Variants in RBFOX3 observed in about 807,000 individuals in gnomAD.
RBFOX3 encodes RNA binding fox-1 homolog 3.
Under a neutral mutation model 48.7 loss-of-function variants are expected in RBFOX3, and 17 were observed. The observed-to-expected ratio is 0.35, with a 90% CI of 0.24 to 0.52. RBFOX3 has a LOEUF of 0.52. Among genes scored for constraint, RBFOX3 ranks in the 20% least tolerant of loss-of-function variants. The pLI, the probability that RBFOX3 is intolerant of heterozygous loss-of-function variation, is 0.94. For synonymous variants in RBFOX3, 212 were observed against 209.5 expected, an observed-to-expected ratio of 1.01 and a Z score of -0.10; for missense variants, 382 against 497.5, an observed-to-expected ratio of 0.77 and a Z score of 2.21.
chr17:79,575,623 G>C (rs1428324488), intron 1 of RBFOX3, among the ~76,000 whole-genome samples: 2 of 152,230 alleles, frequency 1.3e-5, no homozygotes, highest in African/African-American at 2.4e-5. Context: ...TTAAGTCCCT[G>C]TCACTCACCC....
chr17:79,416,409 A>C (rs1024649995), intron 2 of RBFOX3, among the ~76,000 whole-genome samples: 2 of 152,204 alleles, frequency 1.3e-5, no homozygotes, highest in African/African-American at 4.8e-5. Flanking sequence ...CCTGCTAGGC[A>C]TAGTATAGGG....
chr17:79,354,689 G>T (rs2084628756), intron 2 of RBFOX3, among the ~76,000 whole-genome samples: 1 of 152,262 alleles, frequency 6.6e-6, no homozygotes, highest in Non-Finnish European at 1.5e-5. Context: ...GCTGTGGGGG[G>T]AGAGGAGCCC....
At chr17:79,566,693 G>A (rs2092467275) in intron 1 of RBFOX3, among the ~76,000 whole-genome samples, 1 of 152,254 alleles carries the variant, frequency 6.6e-6, no homozygotes, top group Non-Finnish European at 1.5e-5. Context: ...AGGGCACTGT[G>A]GTTGCCCTCA....
chr17:79,130,427 C>A (rs1795956), intron 4 of RBFOX3, among the ~76,000 whole-genome samples: 71,995 of 152,156 alleles, frequency 0.47, 18,451 homozygotes, highest in Non-Finnish European at 0.6. Context: ...AAGTCGCATG[C>A]TCTGCCGCCT....
intron 3 of RBFOX3, among the ~76,000 whole-genome samples, chr17:79,265,361 C>T (rs1189552739): frequency 2.0e-5 from 3 of 152,130 alleles, no homozygotes; most frequent in Admixed American, 6.5e-5. Context: ...CACAGCCTCC[C>T]GCTTAACGAG....
intron 1 of RBFOX3, among the ~76,000 whole-genome samples, chr17:79,517,930 G>A (rs983130883): frequency 2.2e-4 from 33 of 152,222 alleles, no homozygotes; most frequent in East Asian, 9.7e-4. Context: ...GGTCTGACCC[G>A]GTATTGATCC....
chr17:79,547,844 C>T (rs1287240112), intron 1 of RBFOX3, among the ~76,000 whole-genome samples: 6 of 136,628 alleles, frequency 4.4e-5, no homozygotes, highest in Non-Finnish European at 7.5e-5. Flanking sequence ...GCACCCACAC[C>T]GATTCACAGC....
intron 2 of RBFOX3, among the ~76,000 whole-genome samples, chr17:79,432,243 C>T (rs1438547524): frequency 2.0e-5 from 3 of 152,350 alleles, no homozygotes; most frequent in Middle Eastern, 3.4e-3. Flanking sequence ...TTGTGAATAA[C>T]GCTACTATGA....
At position 79,421,304 on chromosome 17, in the gene RBFOX3, C is replaced by A. The variant is rs1220774032; in HGVS notation, c.-175+61150G>T. ...CTGGGCTCCGAGGTCCTCTAGCAAA[C>A]AACCGGGCCTGAGAGTGGTTCTGGA... On this transcript the variant is annotated intron_variant, in intron 2 of 14. Coordinates refer to ENST00000693108, the MANE Select transcript of RBFOX3 (RefSeq NM_001350451.2). This position sits in a 1 kb window ranked among gnomAD's most constrained non-coding sequence, Gnocchi z 4.5. Among the ~76,000 whole-genome samples the A allele has an allele frequency of 6.6e-6, 1 of 152,206 alleles. No homozygotes were observed. The highest frequency in any genetic ancestry group is 2.4e-5 in the African/African-American group (1 of 41,444).
rs200195780 is a variant in RBFOX3, at chr17:79,412,159, GGTGTAA to G, written c.-175+70289_-175+70294del. ...CACGTGTTGTGCATGATCTGTGTGTGGTGTAAGTGTGTATGCACATATGTGTATATG... is the reference window on the plus strand; with the variant it reads ...CACGTGTTGTGCATGATCTGTGTGTGGTGTGTATGCACATATGTGTATATG... On this transcript the variant is annotated intron_variant, in intron 2 of 14. Transcript: ENST00000693108. Among the ~76,000 whole-genome samples the G allele has an allele frequency of 3.5e-3, 533 of 152,018 alleles. 1 individual carries two copies. The highest frequency in any genetic ancestry group is 0.012 in the African/African-American group (511 of 41,448).
rs1471924380 is a variant in RBFOX3 at position 79,296,848 on chromosome 17, CT to C, written c.-74+10875del. 5.4e-4 allele frequency among the ~76,000 whole-genome samples: 72 copies of C among 133,056 alleles called. 1 individual carries two copies. Among genetic ancestry groups the C allele is most frequent in the African/African-American group, 1.9e-3 (65 of 34,548 alleles). 87.3% of individuals were successfully genotyped at this position (133,056 alleles called of 152,430 possible). A position where few individuals can be genotyped will look rare whatever the true frequency, so the allele number is the denominator to read the frequency against. ...CCCTTCTTCCTCCCCCCTCCTCCCC[CT>C]CCTCCTGCTTCTCCTCCCTTTCCTT... On this transcript the variant is annotated intron_variant, in intron 3 of 14. Coordinates refer to ENST00000693108, the MANE Select transcript of RBFOX3 (RefSeq NM_001350451.2).
At chr17:79,187,832 A>G (rs1399224854) in intron 4 of RBFOX3, among the ~76,000 whole-genome samples, 4 of 152,040 alleles carry the variant, frequency 2.6e-5, no homozygotes, top group Admixed American at 2.0e-4. Flanking sequence ...CAGGCTGGGG[A>G]TGGGAAACCC....
At chr17:79,210,350 C>A (rs544847111) in intron 4 of RBFOX3, among the ~76,000 whole-genome samples, 5 of 152,306 alleles carry the variant, frequency 3.3e-5, no homozygotes, top group East Asian at 1.9e-4. Context: ...CATCTCCATG[C>A]GGTTATAGTT....
rs2066358370 is a variant in RBFOX3, at chr17:79,421,449, G to A, written c.-175+61005C>T. ...GCCTAGGGGCCTCTCCAGAGCCCAC[G>A]GACCACAGCCACTGGCAGGACAGCA... On this transcript the variant is annotated intron_variant, in intron 2 of 14. Transcript: ENST00000693108. This position sits in a 1 kb window ranked among gnomAD's most constrained non-coding sequence, Gnocchi z 4.5. Among the ~76,000 whole-genome samples the A allele has an allele frequency of 1.3e-5, 2 of 152,250 alleles. No individual in the cohort carries two copies. The highest frequency in any genetic ancestry group is 2.1e-4 in the South Asian group (1 of 4,826).
chr17:79,211,876 C>A (rs1369044952), intron 4 of RBFOX3, among the ~76,000 whole-genome samples: 1 of 152,198 alleles, frequency 6.6e-6, no homozygotes, highest in African/African-American at 2.4e-5. Flanking sequence ...TCTCTTAGCA[C>A]CTCTCCTGGT....
At chr17:79,206,036 G>A (rs759061700) in intron 4 of RBFOX3, among the ~76,000 whole-genome samples, 6 of 152,108 alleles carry the variant, frequency 3.9e-5, no homozygotes, top group South Asian at 2.1e-4. Flanking sequence ...TGAGCTAGAC[G>A]GGCAGGAAGG....
At chr17:79,438,718 T>C (rs1251679956) in intron 2 of RBFOX3, among the ~76,000 whole-genome samples, 1 of 152,232 alleles carries the variant, frequency 6.6e-6, no homozygotes, top group Non-Finnish European at 1.5e-5. Context: ...TCAGGCCTCA[T>C]CAGTTCCCGA....
intron 4 of RBFOX3, among the ~76,000 whole-genome samples, chr17:79,184,621 C>T (rs979474429): frequency 1.3e-5 from 2 of 152,236 alleles, no homozygotes; most frequent in African/African-American, 4.8e-5. Context: ...TGGCCACTGT[C>T]AGAGGCAGAG....
intron 2 of RBFOX3, among the ~76,000 whole-genome samples, chr17:79,355,450 G>A (rs989147463): frequency 3.5e-4 from 54 of 152,194 alleles, no homozygotes; most frequent in African/African-American, 1.1e-3. Context: ...GGCCCCGGGC[G>A]ATGGTGGCAG....
Sources: gnomAD v4.1 joint callset for allele counts (sites outside exome capture counted in the v4.1 genomes callset) on GRCh38, gnomAD v4.1.1 for gene constraint, Gnocchi (gnomAD v3.1) non-coding constraint, MANE v1.5 for transcripts, NCBI Gene and HGNC (gene_info 2026-07-23, HGNC 2026-07-21) for gene names.